The following RGS12 variants were observed in gnomAD, a reference collection of about 807,000 sequenced individuals.
RGS12 encodes the protein regulator of G-protein signaling 12.
In RGS12, 66 loss-of-function variants were observed where a neutral mutation model predicts 120.1. The ratio of observed to expected loss-of-function variants is 0.55; its 90% CI spans 0.45 to 0.67. The LOEUF (loss-of-function observed/expected upper bound fraction) is 0.67, where lower values mean the gene tolerates loss of function less well. RGS12 is among the 30% of genes least tolerant of loss of function. The probability of loss-of-function intolerance (pLI) is 0.00; values close to 1 mark genes in which losing one functional copy is unlikely to be tolerated. For synonymous variants in RGS12, 827 were observed against 804.7 expected (o/e 1.03, Z -0.47); for missense variants, 1,859 against 1,957.7 (o/e 0.95, Z 0.95).
At chr4:3,408,688 G>C (rs1343660311) in intron 4 of RGS12, among the ~76,000 whole-genome samples, 2 of 152,192 alleles carry the variant, frequency 1.3e-5, no homozygotes, top group Non-Finnish European at 2.9e-5. Flanking sequence ...TGAGGAGCTG[G>C]GTCATGAGTT....
chr4:3,412,736 C>T (rs1721873173), intron 4 of RGS12, among the ~76,000 whole-genome samples: 1 of 152,268 alleles, frequency 6.6e-6, no homozygotes, highest in African/African-American at 2.4e-5. Context: ...CCCAGGGCTT[C>T]TTAACAACAC....
Position 3,394,492 on chromosome 4 carries a change from G to A in RGS12, c.2020+8055G>A, listed in dbSNP as rs555618987. On this transcript the variant is annotated intron_variant, in intron 4 of 17. Transcript: ENST00000336727. Reference sequence around the variant, plus strand: ...ATGTGAAATGTAAATAACAAATCTAGAAAGGAATGTAGGTAACAAATATCT... The same window carrying A: ...ATGTGAAATGTAAATAACAAATCTAAAAAGGAATGTAGGTAACAAATATCT... Among the ~76,000 whole-genome samples the A allele has an allele frequency of 2.6e-5, 4 of 152,292 alleles. No homozygotes were observed. In the South Asian group the frequency reaches 8.3e-4, roughly 32 times the overall value.
chr4:3,379,498 A>C (rs528066644), intron 3 of RGS12, among the ~76,000 whole-genome samples: 1 of 152,356 alleles, frequency 6.6e-6, no homozygotes, highest in Non-Finnish European at 1.5e-5. Context: ...ACATTAAATA[A>C]AAATTTAATA....
chr4:3,429,007 G>C (rs1052142208), intron 16 of RGS12, among the ~76,000 whole-genome samples: 1 of 152,214 alleles, frequency 6.6e-6, no homozygotes, highest in African/African-American at 2.4e-5. Context: ...TCTCACCCCA[G>C]CTCCTCCCTA....
rs964726899 is a variant in RGS12, at chr4:3,313,106, A to T, written c.-101-2964A>T. 2.6e-5 allele frequency: 4 copies of T among 152,370 alleles called. No individual in the cohort carries two copies. In the East Asian group the frequency reaches 7.7e-4, roughly 29 times the overall value. 9.4% of individuals were successfully genotyped at this position (152,370 alleles called of 1,614,324 possible). Reference sequence around the variant, plus strand: ...TAGATAATAAGATATTACTTACATGAGTTACAAACCATTTCTTTTTAATAA... The same window carrying T: ...TAGATAATAAGATATTACTTACATGTGTTACAAACCATTTCTTTTTAATAA... On this transcript the variant is annotated intron_variant, in intron 1 of 17. Transcript: ENST00000336727.
intron 17 of RGS12, among the ~76,000 whole-genome samples, chr4:3,437,663 A>C (rs1312452361): frequency 6.6e-6 from 1 of 152,098 alleles, no homozygotes; most frequent in East Asian, 1.9e-4. Flanking sequence ...CCTGACTGGG[A>C]GAAGTTTCTA....
chr4:3,384,265 C>T (rs1718580666), intron 3 of RGS12, among the ~76,000 whole-genome samples: 1 of 152,158 alleles, frequency 6.6e-6, no homozygotes, highest in South Asian at 2.1e-4. Flanking sequence ...AGCGATTCTC[C>T]TGCCTCAGCC....
intron 3 of RGS12, among the ~76,000 whole-genome samples, chr4:3,355,414 A>G (rs547401247): frequency 2.7e-4 from 41 of 152,296 alleles, no homozygotes; most frequent in African/African-American, 9.4e-4. Flanking sequence ...GTAAAAACAA[A>G]AGTTTAAAAA....
intron 3 of RGS12, among the ~76,000 whole-genome samples, chr4:3,348,791 C>T (rs527463699): frequency 6.6e-6 from 1 of 152,360 alleles, no homozygotes; most frequent in African/African-American, 2.4e-5. Flanking sequence ...GCCAAGCAAG[C>T]AGCTGCAGCT....
chr4:3,399,591 G>A (rs751387849), intron 4 of RGS12, among the ~76,000 whole-genome samples: 8 of 152,294 alleles, frequency 5.3e-5, no homozygotes, highest in Admixed American at 2.0e-4. Flanking sequence ...TTGATTAACC[G>A]GACAATCTTT....
intron 3 of RGS12, among the ~76,000 whole-genome samples, chr4:3,371,644 C>A (rs1199908219): frequency 6.6e-6 from 1 of 152,136 alleles, no homozygotes; most frequent in African/African-American, 2.4e-5. Flanking sequence ...AGCGGCTCCC[C>A]CTCTCGCAGT....
At chr4:3,351,582 A>T (rs747864237) in intron 3 of RGS12, among the ~76,000 whole-genome samples, 1 of 152,216 alleles carries the variant, frequency 6.6e-6, no homozygotes, top group Non-Finnish European at 1.5e-5. Context: ...CTTAGTTTCC[A>T]TAAGCAATGA....
At chr4:3,386,771 G>T (rs901259823) in intron 4 of RGS12, among the ~76,000 whole-genome samples, 4 of 152,212 alleles carry the variant, frequency 2.6e-5, no homozygotes, top group African/African-American at 9.7e-5. Context: ...TGTATAACCA[G>T]CTTTTAAACC....
rs1413111818 is a variant in RGS12 at position 3,301,655 on chromosome 4, C to T, written c.-102+8556C>T. On this transcript the variant is annotated intron_variant, in intron 1 of 17. Transcript: ENST00000336727. Reference sequence around the variant, plus strand: ...GGGGATGGACAGTGAGGCCGGGGTCCGAGGGCTGGGGATGGAGAGTGAGGC... The same window carrying T: ...GGGGATGGACAGTGAGGCCGGGGTCTGAGGGCTGGGGATGGAGAGTGAGGC... Among the ~76,000 whole-genome samples, 7 of 135,544 alleles carry T rather than the reference C, an allele frequency of 5.2e-5. No individual in the cohort carries two copies. In the East Asian group the frequency reaches 1.2e-3, roughly 23 times the overall value. The allele number at this position is 135,544 out of a possible 152,430, so 88.9% of individuals were successfully genotyped here. A position where few individuals can be genotyped will look rare whatever the true frequency, so the allele number is the denominator to read the frequency against.
chr4:3,420,059 C>G (rs1035927423), intron 9 of RGS12, among the ~76,000 whole-genome samples: 1 of 152,208 alleles, frequency 6.6e-6, no homozygotes, highest in Non-Finnish European at 1.5e-5. Context: ...TCCGAATTTT[C>G]ATGATTTGTA....
intron 3 of RGS12, among the ~76,000 whole-genome samples, chr4:3,353,723 A>G (rs1227141037): frequency 6.6e-6 from 1 of 152,090 alleles, no homozygotes; most frequent in Admixed American, 6.6e-5. Flanking sequence ...ATATTTGGGA[A>G]CTAGGGAAAT....
At chr4:3,310,558 A>AAGAGTGG (rs1202396649) in intron 1 of RGS12, among the ~76,000 whole-genome samples, 1 of 152,154 alleles carries the variant, frequency 6.6e-6, no homozygotes, top group African/African-American at 2.4e-5. Flanking sequence ...AAGGTCTGGG[A>AAGAGTGG]AGAGTGGCCA....
chr4:3,363,710 C>G (rs1715978512), intron 3 of RGS12, among the ~76,000 whole-genome samples: 1 of 151,770 alleles, frequency 6.6e-6, no homozygotes, highest in African/African-American at 2.4e-5. Context: ...TTGGGGCAGG[C>G]TTGGCGGGAA....
intron 4 of RGS12, among the ~76,000 whole-genome samples, chr4:3,392,872 C>A (rs781689093): frequency 5.5e-4 from 83 of 152,148 alleles, no homozygotes; most frequent in Non-Finnish European, 1.0e-3. Context: ...CCTGTAATCC[C>A]AGCTACTCGG....
Sources: gnomAD v4.1 joint callset for allele counts (sites outside exome capture counted in the v4.1 genomes callset) on GRCh38, gnomAD v4.1.1 for gene constraint, MANE v1.5 for transcripts, NCBI Gene and HGNC (gene_info 2026-07-23, HGNC 2026-07-21) for gene names.